MEI1: variants seen among roughly 807,000 people sequenced by gnomAD.
The protein encoded by MEI1 is meiosis inhibitor protein 1.
A neutral mutation model predicts 146.2 loss-of-function variants in MEI1; 103 were observed. The ratio of observed to expected loss-of-function variants is 0.70; its 90% CI spans 0.60 to 0.83. MEI1 has a LOEUF of 0.83. Ranked by LOEUF, MEI1 falls within the 40% of genes least tolerant of loss-of-function variation. The pLI, the probability that MEI1 is intolerant of heterozygous loss-of-function variation, is 0.00. For synonymous variants in MEI1, 652 were observed against 628.2 expected (o/e 1.04, Z -0.57); for missense variants, 1,529 against 1,533.0 (o/e 1.00, Z 0.04).
chr22:41,701,445 A>G (rs1011359659), intron 1 of MEI1, among the ~76,000 whole-genome samples: 4 of 152,088 alleles, frequency 2.6e-5, no homozygotes, highest in South Asian at 2.1e-4. Context: ...CCTGGCCAAC[A>G]TGGAAAAAAT....
chr22:41,781,610 G>T, intron 23 of MEI1, 75 bp from the exon 24 acceptor site: 1 of 1,527,076 alleles, frequency 6.5e-7, no homozygotes, highest in Non-Finnish European at 8.9e-7. Context: ...CCAATCAGGT[G>T]CTAAGCACCA....
At chr22:41,723,757 C>CTCTCGT (rs2071075280) in intron 6 of MEI1, among the ~76,000 whole-genome samples, 186 bp from the exon 7 acceptor site, 1 of 152,126 alleles carries the variant, frequency 6.6e-6, no homozygotes, top group South Asian at 2.1e-4. Context: ...ACTTAGTGGG[C>CTCTCGT]TCTCACTAGA....
At position 41,763,277 on chromosome 22, in the gene MEI1, T is replaced by C. The variant is rs2074622990; in HGVS notation, c.2224T>C (p.Tyr742His). The C allele has an allele frequency of 1.9e-6, 3 of 1,614,010 alleles. No homozygotes were observed. In the East Asian group the frequency reaches 6.7e-5, roughly 36 times the overall value. ...ACTGGTGGTCTTCAAAGCCTCCATC[T>C]ATCTGCTTGCAATCTGCCAGGACAA... ...PPLVVFKASIYLLAICQDKDN... is the reference protein window; with the variant it reads ...PPLVVFKASIHLLAICQDKDN... Residue 742 changes from tyrosine (Y) to histidine (H), a missense_variant, in exon 19 of 31, where the codon TAT (tyrosine) becomes CAT (histidine). Tyr to His is a moderately conservative substitution (Grantham distance 83, BLOSUM62 2). Coordinates refer to ENST00000401548, the MANE Select transcript of MEI1 (RefSeq NM_152513.4).
intron 4 of MEI1, among the ~76,000 whole-genome samples, chr22:41,714,442 T>C (rs1181239717): frequency 6.6e-6 from 1 of 152,198 alleles, no homozygotes; most frequent in Admixed American, 6.5e-5. Context: ...TTATTTAATT[T>C]TGAATTGTAT....
intron 26 of MEI1, among the ~76,000 whole-genome samples, chr22:41,785,329 C>A (rs1421329133): frequency 6.6e-6 from 1 of 151,612 alleles, no homozygotes. Flanking sequence ...GTGGCGTGAT[C>A]TCGACTCACT....
chr22:41,753,899 G>A (rs769110283), intron 16 of MEI1, 50 bp from the exon 17 acceptor site: 1 of 1,338,678 alleles, frequency 7.5e-7, no homozygotes, highest in South Asian at 1.2e-5. Flanking sequence ...TGCTCTCCCA[G>A]CCAAAGTAGC....
intron 7 of MEI1, among the ~76,000 whole-genome samples, chr22:41,726,778 CTT>C (rs1250903457): frequency 2.8e-5 from 4 of 144,294 alleles, no homozygotes; most frequent in Non-Finnish European, 1.5e-5. Context: ...AGATTAATTT[CTT>C]TTTTTTTTTT....
chr22:41,713,538 T>C (rs1272000315), intron 3 of MEI1, among the ~76,000 whole-genome samples: 1 of 151,980 alleles, frequency 6.6e-6, no homozygotes. Flanking sequence ...ACATAGTTGT[T>C]TTTTTGTTTT....
chr22:41,776,339 AG>A, intron 21 of MEI1, 72 bp downstream of exon 21: 1 of 1,518,644 alleles, frequency 6.6e-7, no homozygotes, highest in Non-Finnish European at 9.1e-7. Context: ...TACCCTTGTT[AG>A]GTCTGCTCCA....
intron 7 of MEI1, among the ~76,000 whole-genome samples, chr22:41,724,727 G>A (rs2071166876): frequency 6.6e-6 from 1 of 152,060 alleles, no homozygotes; most frequent in Non-Finnish European, 1.5e-5. Context: ...GGAGGCGGAG[G>A]TTGCATTGAG....
chr22:41,723,612 CTG>C (rs1222122180), intron 6 of MEI1, among the ~76,000 whole-genome samples: 1 of 152,176 alleles, frequency 6.6e-6, no homozygotes, highest in East Asian at 1.9e-4. Context: ...GTGTCAGGAA[CTG>C]TGCCAGGTGA....
chr22:41,718,275 G>T lies in MEI1; in HGVS notation c.733+1G>T. ...AAGGAGCTGCAGATTAACTGCTTGG[G>T]TAAGACATGAGGCTGGAGAAAAAAG... is the stretch of plus-strand genomic sequence containing the variant. On this transcript the variant is annotated splice_donor_variant, in intron 6 of 30. Coordinates refer to ENST00000401548, the MANE Select transcript of MEI1 (RefSeq NM_152513.4). LOFTEE classifies it high-confidence loss of function. The T allele has an allele frequency of 6.2e-7, 1 of 1,613,624 alleles. No homozygotes were observed. The highest frequency in any genetic ancestry group is 1.1e-5 in the South Asian group (1 of 90,976).
intron 11 of MEI1, among the ~76,000 whole-genome samples, chr22:41,735,881 T>C (rs1373983391): frequency 1.3e-5 from 2 of 152,222 alleles, no homozygotes; most frequent in Non-Finnish European, 2.9e-5. Flanking sequence ...ACTAGCTATA[T>C]GTTGATAATG....
At chr22:41,794,740 A>G (rs540519633) in intron 28 of MEI1, among the ~76,000 whole-genome samples, 1 of 152,290 alleles carries the variant, frequency 6.6e-6, no homozygotes, top group East Asian at 1.9e-4. Flanking sequence ...CAGGTCTGCT[A>G]GATACTAAGG....
At chr22:41,784,888 T>G (rs2075899206) in intron 26 of MEI1, 105 bp downstream of exon 26, 1 of 538,378 alleles carries the variant, frequency 1.9e-6, no homozygotes, top group Non-Finnish European at 2.5e-6. Context: ...GAGGGTGGAT[T>G]AAGACTTTTT....
intron 6 of MEI1, among the ~76,000 whole-genome samples, chr22:41,721,710 A>G (rs922548154): frequency 1.6e-4 from 23 of 140,932 alleles, no homozygotes; most frequent in Non-Finnish European, 2.9e-4. Context: ...CCGTTTTTAA[A>G]TGCTACCCCT....
chr22:41,708,359 T>A (rs1270254506), intron 3 of MEI1, among the ~76,000 whole-genome samples: 1 of 152,206 alleles, frequency 6.6e-6, no homozygotes. Context: ...TCAGGGTTTT[T>A]ACATGGTAGG....
intron 1 of MEI1, among the ~76,000 whole-genome samples, chr22:41,700,044 T>G (rs1211619888): frequency 1.3e-5 from 2 of 152,232 alleles, no homozygotes; most frequent in Non-Finnish European, 2.9e-5. Flanking sequence ...TTGCTGCCCC[T>G]GCCTCCATTT....
chr22:41,700,141 G>A (rs1313485487), intron 1 of MEI1, among the ~76,000 whole-genome samples: 1 of 152,224 alleles, frequency 6.6e-6, no homozygotes, highest in Admixed American at 6.5e-5. Context: ...AGGGGCGCAT[G>A]CGGCGGCCGC....
Sources: allele counts gnomAD v4.1 joint callset (sites outside exome capture counted in the v4.1 genomes callset), GRCh38; gene constraint gnomAD v4.1.1; transcripts MANE v1.5; gene names NCBI Gene and HGNC (gene_info 2026-07-23, HGNC 2026-07-21).